DPY19L1: variants seen among roughly 807,000 people sequenced by gnomAD.
DPY19L1 encodes the protein protein C-mannosyl-transferase DPY19L1.
DPY19L1 carries 35 observed loss-of-function variants against 96.9 expected under a neutral mutation model. That is an observed-to-expected ratio of 0.36 (90% CI 0.28 to 0.48). The LOEUF is 0.48. Ranked by LOEUF, DPY19L1 falls within the 20% of genes least tolerant of loss-of-function variation. The probability of loss-of-function intolerance (pLI) is 0.99; values close to 1 mark genes in which losing one functional copy is unlikely to be tolerated. For missense variants in DPY19L1, 521 were observed against 777.9 expected (o/e 0.67, Z 3.93); for synonymous variants, 205 against 252.6 (o/e 0.81, Z 1.79).
rs189575197 is a variant in DPY19L1 at position 34,970,537 on chromosome 7, A to G, written c.915-1005T>C. Among the ~76,000 whole-genome samples, 7 of 152,324 alleles carry G rather than the reference A, an allele frequency of 4.6e-5. No homozygotes were observed. In the East Asian group the frequency reaches 1.2e-3, roughly 25 times the overall value. ...TTGTTTCAGCTGTGTGCATACATGTATGTGTATACTAAGCCGCAGTGTAAA... is the reference window on the plus strand; with the variant it reads ...TTGTTTCAGCTGTGTGCATACATGTGTGTGTATACTAAGCCGCAGTGTAAA... On this transcript the variant is annotated intron_variant, in intron 8 of 21. Transcript: ENST00000638088.
At position 34,940,137 on chromosome 7, in the gene DPY19L1, T is replaced by C. The variant is rs1163065394; in HGVS notation, c.1864+16A>G. 1.8e-4 allele frequency: 37 copies of C among 202,998 alleles called. No homozygotes were observed. The highest frequency in any genetic ancestry group is 9.1e-4 in the South Asian group (7 of 7,678). The allele number at this position is 202,998 out of a possible 1,614,324, so 12.6% of individuals were successfully genotyped here. On this transcript the variant is annotated intron_variant, in intron 19 of 21. Coordinates refer to ENST00000638088, the MANE Select transcript of DPY19L1 (RefSeq NM_001366673.1). The stretch of plus-strand genomic sequence containing the variant: ...GCTAAATAATATGACTTTTTTTTTC[T>C]TTTTTTTTTTTTTACCTGGTTTAGT...
chr7:34,934,611 A>G (rs1385042474), intron 21 of DPY19L1, among the ~76,000 whole-genome samples: 1 of 151,966 alleles, frequency 6.6e-6, no homozygotes, highest in Non-Finnish European at 1.5e-5. Flanking sequence ...CTGCAAGACA[A>G]TTTTTCCATG....
chr7:35,020,245 C>T (rs1443684290), intron 1 of DPY19L1, among the ~76,000 whole-genome samples: 1 of 152,184 alleles, frequency 6.6e-6, no homozygotes, highest in Non-Finnish European at 1.5e-5. Context: ...AATGTAAATG[C>T]AACTTTTATC....
chr7:35,026,966 G>A (rs971116250), intron 1 of DPY19L1, among the ~76,000 whole-genome samples: 49 of 152,238 alleles, frequency 3.2e-4, no homozygotes, highest in African/African-American at 1.2e-3. Context: ...GGAGGCCGAG[G>A]CAGGTGGATA....
At chr7:35,036,938 G>C (rs528800504) in intron 1 of DPY19L1, among the ~76,000 whole-genome samples, 159 bp downstream of exon 1, 9 of 144,752 alleles carry the variant, frequency 6.2e-5, no homozygotes, top group East Asian at 2.2e-4. Context: ...ATGTCCCAGA[G>C]AAAAAGTCGG....
chr7:35,031,266 C>T (rs1456493197), intron 1 of DPY19L1, among the ~76,000 whole-genome samples: 1 of 152,142 alleles, frequency 6.6e-6, no homozygotes, highest in East Asian at 1.9e-4. Flanking sequence ...ATATTATTCC[C>T]TAAACAATAC....
intron 16 of DPY19L1, among the ~76,000 whole-genome samples, chr7:34,944,441 C>G (rs992367741): frequency 2.0e-5 from 3 of 151,516 alleles, no homozygotes; most frequent in African/African-American, 4.8e-5. Flanking sequence ...CCTTCTCCCC[C>G]CAAAATCCCA....
At chr7:35,036,728 G>A (rs1786410605) in intron 1 of DPY19L1, among the ~76,000 whole-genome samples, 1 of 152,092 alleles carries the variant, frequency 6.6e-6, no homozygotes, top group South Asian at 2.1e-4. Context: ...CCATCCTGGC[G>A]GTCAGAGGCC....
chr7:35,009,453 A>T (rs1785647240), intron 6 of DPY19L1, among the ~76,000 whole-genome samples: 1 of 152,246 alleles, frequency 6.6e-6, no homozygotes, highest in African/African-American at 2.4e-5. Context: ...GCCTTAAAAA[A>T]TTAGTCTTTT....
At chr7:35,014,546 CA>C (rs1785796053) in intron 3 of DPY19L1, among the ~76,000 whole-genome samples, 1 of 152,018 alleles carries the variant, frequency 6.6e-6, no homozygotes, top group Non-Finnish European at 1.5e-5. Context: ...CAGTAGCTGC[CA>C]AAGTTTAAAC....
At chr7:34,989,576 C>A (rs1785120204) in intron 7 of DPY19L1, among the ~76,000 whole-genome samples, 1 of 151,830 alleles carries the variant, frequency 6.6e-6, no homozygotes, top group Non-Finnish European at 1.5e-5. Flanking sequence ...GAGCTATGAT[C>A]TACCACTGCA....
intron 7 of DPY19L1, among the ~76,000 whole-genome samples, chr7:34,977,735 T>A (rs761547708): frequency 2.6e-5 from 4 of 152,206 alleles, no homozygotes; most frequent in Non-Finnish European, 5.9e-5. Flanking sequence ...AAATAAAAAG[T>A]GTGACAGTTT....
chr7:34,971,342 A>C (rs1383529067), intron 8 of DPY19L1, among the ~76,000 whole-genome samples: 2 of 152,222 alleles, frequency 1.3e-5, no homozygotes, highest in Non-Finnish European at 2.9e-5. Context: ...TGCAGTGTCC[A>C]AGAAAGCAAA....
intron 7 of DPY19L1, among the ~76,000 whole-genome samples, chr7:34,979,889 AG>A (rs1784904074): frequency 6.6e-6 from 1 of 152,110 alleles, no homozygotes; most frequent in South Asian, 2.1e-4. Context: ...ATGTGTTGAA[AG>A]AGAGGGAAGT....
At position 34,957,874 on chromosome 7, in the gene DPY19L1, C is replaced by A. The variant is rs555229424; in HGVS notation, c.1179+110G>T. The A allele has an allele frequency of 6.1e-6, 4 of 655,988 alleles. No homozygotes were observed. In the South Asian group the frequency reaches 7.3e-5, roughly 12 times the overall value. The allele number at this position is 655,988 out of a possible 1,614,324, so 40.6% of individuals were successfully genotyped here. ...CATACATCTAGAATATTCAGTAAGA[C>A]ACTTAAGATGGTTCCTACAGAAAAC... On this transcript the variant is annotated intron_variant, in intron 11 of 21. Transcript: ENST00000638088.
At chr7:34,978,415 T>C (rs1450404187) in intron 7 of DPY19L1, among the ~76,000 whole-genome samples, 1 of 152,186 alleles carries the variant, frequency 6.6e-6, no homozygotes, top group Non-Finnish European at 1.5e-5. Context: ...AGTGCTTCCT[T>C]AAAAGACTGC....
chr7:34,975,092 A>C (rs980051486), intron 7 of DPY19L1, among the ~76,000 whole-genome samples: 1 of 152,128 alleles, frequency 6.6e-6, no homozygotes, highest in African/African-American at 2.4e-5. Context: ...AATTAGGAAA[A>C]TTAATAAGCC....
At chr7:35,035,933 G>A (rs1254623533) in intron 1 of DPY19L1, among the ~76,000 whole-genome samples, 2 of 151,846 alleles carry the variant, frequency 1.3e-5, no homozygotes, top group Non-Finnish European at 2.9e-5. Flanking sequence ...GGGGGGAAAT[G>A]TGCTGGAAAC....
At position 34,929,430 on chromosome 7, in the gene DPY19L1, A is replaced by G. The variant is rs1014801791; in HGVS notation, c.*2143T>C. Reference sequence around the variant, plus strand: ...AAAAGGATCCTTCTGGAAAAAGCTAATTTATATTACTTTTAATGGTTCCCA... The same window carrying G: ...AAAAGGATCCTTCTGGAAAAAGCTAGTTTATATTACTTTTAATGGTTCCCA... On this transcript the variant is annotated 3_prime_UTR_variant, in exon 22 of 22. Coordinates refer to ENST00000638088, the MANE Select transcript of DPY19L1 (RefSeq NM_001366673.1). 6.6e-5 allele frequency: 10 copies of G among 152,330 alleles called. No individual in the cohort carries two copies. The highest frequency in any genetic ancestry group is 2.6e-4 in the Admixed American group (4 of 15,300). 9.4% of individuals were successfully genotyped at this position (152,330 alleles called of 1,614,324 possible). A position where few individuals can be genotyped will look rare whatever the true frequency, so the allele number is the denominator to read the frequency against.
Sources: gnomAD v4.1 joint callset for allele counts (sites outside exome capture counted in the v4.1 genomes callset) on GRCh38, gnomAD v4.1.1 for gene constraint, MANE v1.5 for transcripts, NCBI Gene and HGNC (gene_info 2026-07-23, HGNC 2026-07-21) for gene names.